The following TUT4 variants were observed in gnomAD, a reference collection of about 807,000 sequenced individuals.
TUT4 encodes terminal uridylyl transferase 4, also known as terminal uridylyltransferase 4.
A neutral mutation model predicts 192.2 loss-of-function variants in TUT4; 36 were observed. The observed-to-expected ratio is 0.19, with a 90% CI of 0.14 to 0.25. The LOEUF (loss-of-function observed/expected upper bound fraction) is 0.25, where lower values mean the gene tolerates loss of function less well. TUT4 is among the 10% of genes least tolerant of loss of function. The probability of loss-of-function intolerance (pLI) is 1.00; values close to 1 mark genes in which losing one functional copy is unlikely to be tolerated. For missense variants in TUT4, 1,493 were observed against 1,957.2 expected, an observed-to-expected ratio of 0.76 and a Z score of 4.47; for synonymous variants, 618 against 666.0, an observed-to-expected ratio of 0.93 and a Z score of 1.11.
intron 20 of TUT4, among the ~76,000 whole-genome samples, chr1:52,452,392 G>C (rs1250692794): frequency 6.6e-6 from 1 of 152,154 alleles, no homozygotes; most frequent in Non-Finnish European, 1.5e-5. Context: ...CAAGCAAGTT[G>C]ACTACTGGCT....
intron 24 of TUT4, among the ~76,000 whole-genome samples, chr1:52,440,849 A>G (rs182715052): frequency 6.6e-6 from 1 of 152,340 alleles, no homozygotes; most frequent in East Asian, 1.9e-4. Context: ...TATTGAAGAA[A>G]TGTTAAATAT....
chr1:52,463,914 AC>A, intron 16 of TUT4: 1 of 544,830 alleles, frequency 1.8e-6, no homozygotes, highest in Non-Finnish European at 2.9e-6. Context: ...GTTCTACAGT[AC>A]TATTAGTACT....
intron 10 of TUT4, 69 bp from the exon 11 acceptor site, chr1:52,481,704 C>G (rs1316530101): frequency 1.4e-5 from 21 of 1,524,076 alleles, no homozygotes; most frequent in Non-Finnish European, 1.9e-5. Flanking sequence ...GATGGACAAA[C>G]AGACAAACCA....
chr1:52,534,020 C>T lies in TUT4; in HGVS notation c.-93-7647G>A, dbSNP rs190624254. 4.6e-5 allele frequency among the ~76,000 whole-genome samples: 7 copies of T among 152,276 alleles called. No individual in the cohort carries two copies. The East Asian group carries it at 5.8e-4, about 13-fold the overall frequency. On this transcript the variant is annotated intron_variant, in intron 1 of 29. Coordinates refer to ENST00000257177, the MANE Select transcript of TUT4 (RefSeq NM_001009881.3). ...GAAGAAAATAATTATGTCCCACTTT[C>T]GATATTTCATTCTATGTAGACGGAT...
intron 7 of TUT4, among the ~76,000 whole-genome samples, chr1:52,492,512 T>G (rs1315806052): frequency 6.6e-6 from 1 of 152,144 alleles, no homozygotes; most frequent in Non-Finnish European, 1.5e-5. Flanking sequence ...AACTTTCTCA[T>G]CAAAAAGATA....
Position 52,477,792 on chromosome 1 carries a change from C to T in TUT4, c.1939G>A (p.Glu647Lys). The change falls in exon 12 of 30, where the codon GAG (glutamate) becomes AAG (lysine). Residue 647 changes from glutamate (E) to lysine (K), a missense_variant. Physicochemically the swap from Glu to Lys is moderately conservative, Grantham distance 56. Coordinates refer to ENST00000257177, the MANE Select transcript of TUT4 (RefSeq NM_001009881.3). ...ATCCGTACACATATGACATATTCCT[C>T]CAAAGCAAAATCCAGTGTGTAGAAT... The part of the protein sequence containing the change: ...LKFYTLDFAL[E>K]EYVICVRIQD... 1 of 1,613,966 alleles carries T rather than the reference C, an allele frequency of 6.2e-7. No homozygotes were observed. The highest frequency in any genetic ancestry group is 8.5e-7 in the Non-Finnish European group (1 of 1,179,950).
At chr1:52,506,665 T>G (rs1396648209) in intron 4 of TUT4, among the ~76,000 whole-genome samples, 9 of 152,216 alleles carry the variant, frequency 5.9e-5, no homozygotes, top group Non-Finnish European at 1.0e-4. Flanking sequence ...TCATATCTTT[T>G]TTATATTTTC....
intron 11 of TUT4, 135 bp downstream of exon 11, chr1:52,481,281 AACCCCTC>A (rs1269415944): frequency 2.5e-6 from 2 of 814,454 alleles, no homozygotes; most frequent in Admixed American, 2.8e-5. Context: ...AAACCAGATC[AACCCCTC>A]ACTTTATAGA....
At chr1:52,478,436 A>C (rs1457234266) in intron 11 of TUT4, among the ~76,000 whole-genome samples, 1 of 152,226 alleles carries the variant, frequency 6.6e-6, no homozygotes, top group Non-Finnish European at 1.5e-5. Flanking sequence ...TAAAATAAAG[A>C]AAGCTCACAC....
chr1:52,474,456 G>T (rs1481056623), intron 13 of TUT4, among the ~76,000 whole-genome samples: 8 of 150,894 alleles, frequency 5.3e-5, no homozygotes, highest in Non-Finnish European at 1.2e-4. Context: ...CTTTTATTTT[G>T]GGGGGGGAAG....
chr1:52,526,075 T>C lies in TUT4; in HGVS notation c.206A>G (p.Glu69Gly). The part of the protein sequence containing the change: ...KQNDICIEKT[E>G]VKSCKVNAAN... ...AGCATTTACTTTACATGATTTAACT[T>C]CTGTTTTTTCTATACAAATATCATT... is the stretch of plus-strand genomic sequence containing the variant. Residue 69 changes from glutamate to glycine, a missense_variant, in exon 2 of 30, where the codon GAA becomes GGA. By Grantham distance (98) the Glu-to-Gly change is moderately conservative. This residue lies in a region of TUT4 where 260 missense variants were observed against 247.8 expected (regional missense o/e 1.05). Transcript: ENST00000257177. The C allele has an allele frequency of 6.2e-7, 1 of 1,610,670 alleles. No individual in the cohort carries two copies. Among genetic ancestry groups the C allele is most frequent in the Non-Finnish European group, 8.5e-7 (1 of 1,179,120 alleles).
intron 27 of TUT4, chr1:52,435,160 G>A (rs1653362214): frequency 2.7e-6 from 1 of 365,266 alleles, no homozygotes; most frequent in Non-Finnish European, 4.9e-6. Flanking sequence ...TATAAATTAA[G>A]TAGCTTCTCT....
intron 14 of TUT4, among the ~76,000 whole-genome samples, chr1:52,469,188 T>TA (rs549014652): frequency 3.0e-4 from 46 of 152,242 alleles, no homozygotes; most frequent in Middle Eastern, 3.4e-3. Flanking sequence ...TATGCAATTT[T>TA]AAAAAAATCA....
At chr1:52,443,002 G>C (rs987832737) in intron 24 of TUT4, among the ~76,000 whole-genome samples, 1 of 152,160 alleles carries the variant, frequency 6.6e-6, no homozygotes, top group Non-Finnish European at 1.5e-5. Context: ...AAAAAGTCTC[G>C]GAAAGGCACA....
chr1:52,491,559 G>A (rs1570902784), intron 7 of TUT4, among the ~76,000 whole-genome samples: 1 of 152,038 alleles, frequency 6.6e-6, no homozygotes, highest in African/African-American at 2.4e-5. Flanking sequence ...ATGGTGGCAC[G>A]CGCCTGTAAT....
intron 5 of TUT4, among the ~76,000 whole-genome samples, chr1:52,495,922 A>C (rs80285352): frequency 5.3e-5 from 8 of 152,292 alleles, no homozygotes; most frequent in African/African-American, 1.9e-4. Context: ...TAAACATTCA[A>C]TGCCAATGCT....
rs1395700620 is a variant in TUT4, at chr1:52,488,077, T to C, written c.1515+832A>G. 5.9e-5 allele frequency among the ~76,000 whole-genome samples: 9 copies of C among 152,140 alleles called. 1 individual carries two copies. Among genetic ancestry groups the C allele is most frequent in the Non-Finnish European group, 8.8e-5 (6 of 68,026 alleles). ...CTTGAGTATAAAGAAGCCCCAACCTTAGGCTTTCTGACTGTTTCGTACTCA... is the reference window on the plus strand; with the variant it reads ...CTTGAGTATAAAGAAGCCCCAACCTCAGGCTTTCTGACTGTTTCGTACTCA... On this transcript the variant is annotated intron_variant, in intron 9 of 29. Coordinates refer to ENST00000257177, the MANE Select transcript of TUT4 (RefSeq NM_001009881.3).
chr1:52,488,194 T>C (rs939100623), intron 9 of TUT4, among the ~76,000 whole-genome samples: 3 of 152,192 alleles, frequency 2.0e-5, no homozygotes, highest in African/African-American at 7.2e-5. Context: ...GCTATGAAGT[T>C]ACCACTCTAA....
rs1363017841 is a variant in TUT4, at chr1:52,461,534, A to G, written c.3210T>C (p.Asp1070=). 1 of 1,613,180 alleles carries G rather than the reference A, an allele frequency of 6.2e-7. No homozygotes were observed. Among genetic ancestry groups the G allele is most frequent in the Admixed American group, 1.7e-5 (1 of 59,974 alleles). ...TTACCAACGTATTATATAAACTGAT[A>G]TCGCCTTCTAACCCACTTCGCCTGT... ...FEHRRSGLEG[D]ISLYNTLAQH... The change falls in exon 18 of 30, where the codon GAT becomes GAC. Residue 1070 remains aspartate (D), a synonymous_variant. Transcript: ENST00000257177.
Sources: gnomAD v4.1 joint callset for allele counts (sites outside exome capture counted in the v4.1 genomes callset) on GRCh38, gnomAD v4.1.1 for gene constraint, gnomAD v4.1.1 regional missense constraint, MANE v1.5 for transcripts, NCBI Gene and HGNC (gene_info 2026-07-23, HGNC 2026-07-21) for gene names.